Variants in MEMO1 observed in about 807,000 individuals in gnomAD.
MEMO1 encodes mediator of cell motility 1, also known as protein MEMO1.
MEMO1 carries 6 observed loss-of-function variants against 45.2 expected under a neutral mutation model. That is an observed-to-expected ratio of 0.13 (90% CI 0.07 to 0.26). The LOEUF (loss-of-function observed/expected upper bound fraction) is 0.26, where lower values mean the gene tolerates loss of function less well. MEMO1 is among the 10% of genes least tolerant of loss of function. The probability of loss-of-function intolerance (pLI) is 1.00; values close to 1 mark genes in which losing one functional copy is unlikely to be tolerated. For missense variants in MEMO1, 184 were observed against 370.5 expected (o/e 0.50, Z 4.13); for synonymous variants, 78 against 124.3 (o/e 0.63, Z 2.48).
At chr2:31,873,091 A>G (rs1674030030) in intron 8 of MEMO1, among the ~76,000 whole-genome samples, 1 of 152,176 alleles carries the variant, frequency 6.6e-6, no homozygotes, top group Non-Finnish European at 1.5e-5. Flanking sequence ...ATCCTTCCCC[A>G]ATTAGGCTGA....
chr2:31,989,915 C>G (rs1158044881), intron 2 of MEMO1, among the ~76,000 whole-genome samples: 1 of 152,048 alleles, frequency 6.6e-6, no homozygotes, highest in Non-Finnish European at 1.5e-5. Flanking sequence ...CCCAGGAGAT[C>G]AAGACCAGCT....
At chr2:32,009,364 C>G (rs965420523) in intron 2 of MEMO1, among the ~76,000 whole-genome samples, 1 of 151,638 alleles carries the variant, frequency 6.6e-6, no homozygotes, top group Non-Finnish European at 1.5e-5. Flanking sequence ...GAGCTGGGAG[C>G]CCCCCCACCC....
At chr2:32,009,885 TC>T (rs1370357306) in intron 2 of MEMO1, among the ~76,000 whole-genome samples, 1 of 151,750 alleles carries the variant, frequency 6.6e-6, no homozygotes, top group Non-Finnish European at 1.5e-5. Flanking sequence ...CGTTCCTTCC[TC>T]GAGCCTGGTC....
At chr2:32,000,466 G>A (rs986112998) in intron 2 of MEMO1, among the ~76,000 whole-genome samples, 15 of 151,602 alleles carry the variant, frequency 9.9e-5, no homozygotes, top group Admixed American at 5.9e-4. Flanking sequence ...TCCTGACCTC[G>A]TGATCCGCCC....
intron 7 of MEMO1, among the ~76,000 whole-genome samples, chr2:31,891,454 A>G (rs1431188673): frequency 2.6e-5 from 4 of 152,258 alleles, no homozygotes; most frequent in African/African-American, 7.2e-5. Flanking sequence ...TTATAAAAAC[A>G]TTACCAATGA....
intron 2 of MEMO1, among the ~76,000 whole-genome samples, chr2:31,976,581 A>C (rs917671611): frequency 5.3e-5 from 8 of 152,260 alleles, no homozygotes; most frequent in Admixed American, 4.6e-4. Context: ...GTCTCAAAAA[A>C]AAAAAAGAAA....
intron 2 of MEMO1, among the ~76,000 whole-genome samples, chr2:31,986,414 G>T (rs1314188894): frequency 1.3e-5 from 2 of 152,114 alleles, no homozygotes; most frequent in Non-Finnish European, 2.9e-5. Context: ...GGAGCTTGCA[G>T]TGAGCCGAGG....
chr2:31,988,244 G>A (rs897472407), intron 2 of MEMO1, among the ~76,000 whole-genome samples: 1 of 152,092 alleles, frequency 6.6e-6, no homozygotes, highest in Non-Finnish European at 1.5e-5. Flanking sequence ...GATTTTCCCT[G>A]AAGGTTCAAA....
At chr2:31,938,158 C>T (rs2148292685) in intron 3 of MEMO1, among the ~76,000 whole-genome samples, 1 of 152,250 alleles carries the variant, frequency 6.6e-6, no homozygotes, top group South Asian at 2.1e-4. Context: ...GATAGAACAA[C>T]AGTTGACAGG....
intron 2 of MEMO1, among the ~76,000 whole-genome samples, chr2:32,002,168 A>AATATATATATATAT (rs1553383011): frequency 1.3e-5 from 1 of 74,900 alleles, no homozygotes; most frequent in African/African-American, 6.2e-5. Context: ...AAAAAAAAAA[A>AATATATATATATAT]ATATATATAT....
At chr2:31,910,514 T>C (rs1323215056) in intron 6 of MEMO1, among the ~76,000 whole-genome samples, 3 of 152,120 alleles carry the variant, frequency 2.0e-5, no homozygotes, top group Admixed American at 6.6e-5. Flanking sequence ...AGGGAGAAAT[T>C]AGAAAGACCC....
At chr2:31,948,994 CAGGCATATGAAA>C (rs772265697) in intron 2 of MEMO1, among the ~76,000 whole-genome samples, 6 of 152,118 alleles carry the variant, frequency 3.9e-5, no homozygotes, top group Non-Finnish European at 5.9e-5. Context: ...CAATGGCAAA[CAGGCATATGAAA>C]AGGTGCTCAA....
chr2:31,927,146 T>C (rs557886186), intron 4 of MEMO1, among the ~76,000 whole-genome samples: 2 of 152,120 alleles, frequency 1.3e-5, no homozygotes, highest in African/African-American at 2.4e-5. Context: ...CTGGCCAACA[T>C]GGTGAAACCC....
At chr2:31,916,835 C>T (rs753021199) in intron 6 of MEMO1, among the ~76,000 whole-genome samples, 1 of 152,014 alleles carries the variant, frequency 6.6e-6, no homozygotes, top group Non-Finnish European at 1.5e-5. Context: ...GTAAATAATA[C>T]TTTGAATACA....
intron 2 of MEMO1, among the ~76,000 whole-genome samples, chr2:31,946,391 A>G (rs1220861564): frequency 1.3e-5 from 2 of 152,242 alleles, no homozygotes; most frequent in African/African-American, 4.8e-5. Flanking sequence ...AGTACAAAAA[A>G]AAAGTCTGAC....
intron 6 of MEMO1, among the ~76,000 whole-genome samples, chr2:31,899,794 G>A (rs1017475142): frequency 2.0e-5 from 3 of 151,974 alleles, no homozygotes; most frequent in Admixed American, 6.5e-5. Context: ...TCTGACAAAG[G>A]GCTAATATCT....
intron 6 of MEMO1, among the ~76,000 whole-genome samples, chr2:31,892,868 T>G (rs1389541167): frequency 1.3e-5 from 2 of 152,170 alleles, no homozygotes; most frequent in African/African-American, 4.8e-5. Context: ...AGAAACAAAG[T>G]AGATTAATAA....
intron 2 of MEMO1, among the ~76,000 whole-genome samples, chr2:32,009,879 C>T (rs1674610542): frequency 6.6e-6 from 1 of 152,036 alleles, no homozygotes; most frequent in Admixed American, 6.5e-5. Context: ...GGAGCACGTT[C>T]CTTCCTCGAG....
chr2:31,925,080 A>G (rs1176179816), intron 4 of MEMO1, among the ~76,000 whole-genome samples: 1 of 152,160 alleles, frequency 6.6e-6, no homozygotes, highest in Non-Finnish European at 1.5e-5. Context: ...TACCTGATGT[A>G]TACTGGTCTT....
Sources: allele counts gnomAD v4.1 joint callset (sites outside exome capture counted in the v4.1 genomes callset), GRCh38; gene constraint gnomAD v4.1.1; transcripts MANE v1.5; gene names NCBI Gene and HGNC (gene_info 2026-07-23, HGNC 2026-07-21).